Variants in GPR137C observed in about 807,000 individuals in gnomAD.
GPR137C encodes the protein G protein-coupled receptor 137C, also known as integral membrane protein GPR137C.
Under a neutral mutation model 43.4 loss-of-function variants are expected in GPR137C, and 27 were observed. That is an observed-to-expected ratio of 0.62 (90% CI 0.46 to 0.86). GPR137C has a LOEUF of 0.86. GPR137C is among the 40% of genes least tolerant of loss of function. The pLI is 0.00. For missense variants in GPR137C, 522 were observed against 534.6 expected (o/e 0.98, Z 0.23); for synonymous variants, 285 against 226.9 (o/e 1.26, Z -2.30).
Position 52,553,289 on chromosome 14 carries a change from G to A in GPR137C, c.142G>A (p.Ala48Thr). The A allele has an allele frequency of 2.0e-6, 3 of 1,520,832 alleles. No homozygotes were observed. Among genetic ancestry groups the A allele is most frequent in the South Asian group, 1.2e-5 (1 of 81,092 alleles). The allele number at this position is 1,520,832 out of a possible 1,614,324, so 94.2% of individuals were successfully genotyped here. The change falls in exon 1 of 7, where the codon GCG becomes ACG. Residue 48 changes from alanine (A) to threonine (T), a missense_variant. Ala to Thr is a moderately conservative substitution (Grantham distance 58). Transcript: ENST00000321662. Reference protein sequence around the residue: ...GAAVPGSVQLALSVLHALLYA... With the variant: ...GAAVPGSVQLTLSVLHALLYA... Reference sequence around the variant, plus strand: ...CGCGGTGCCGGGCTCCGTGCAGTTGGCGCTGAGCGTCCTGCACGCCCTGCT... The same window carrying A: ...CGCGGTGCCGGGCTCCGTGCAGTTGACGCTGAGCGTCCTGCACGCCCTGCT...
intron 1 of GPR137C, among the ~76,000 whole-genome samples, chr14:52,561,930 G>C (rs1054614863): frequency 5.9e-5 from 9 of 152,088 alleles, no homozygotes; most frequent in Non-Finnish European, 1.2e-4. Context: ...TCAAAACTCA[G>C]AATTGTACAC....
intron 3 of GPR137C, among the ~76,000 whole-genome samples, chr14:52,621,063 T>G (rs1455297441): frequency 6.6e-6 from 1 of 151,900 alleles, no homozygotes; most frequent in African/African-American, 2.4e-5. Flanking sequence ...TCTTTCAAGC[T>G]TAGCAAACCC....
intron 3 of GPR137C, among the ~76,000 whole-genome samples, chr14:52,627,018 T>A (rs1293941924): frequency 6.6e-6 from 1 of 152,156 alleles, no homozygotes. Flanking sequence ...AGATGCAGTA[T>A]CATTAAGATG....
intron 1 of GPR137C, among the ~76,000 whole-genome samples, chr14:52,580,690 G>T (rs1390704999): frequency 2.0e-5 from 3 of 151,250 alleles, no homozygotes; most frequent in Non-Finnish European, 4.4e-5. Context: ...AAGCATTAGG[G>T]TATTAAGACC....
At chr14:52,597,681 T>C (rs533105943) in intron 1 of GPR137C, among the ~76,000 whole-genome samples, 35 of 152,362 alleles carry the variant, frequency 2.3e-4, no homozygotes, top group Non-Finnish European at 4.7e-4. Flanking sequence ...GTTCGCAGAA[T>C]ATACCATGTT....
At chr14:52,577,516 G>GCCCACACACA (rs369713179) in intron 1 of GPR137C, among the ~76,000 whole-genome samples, 2 of 145,408 alleles carry the variant, frequency 1.4e-5, no homozygotes, top group African/African-American at 5.1e-5. Context: ...GCGCGCGCGC[G>GCCCACACACA]CACACACACA....
At chr14:52,624,565 A>C (rs1287794054) in intron 3 of GPR137C, among the ~76,000 whole-genome samples, 2 of 122,920 alleles carry the variant, frequency 1.6e-5, no homozygotes, top group Admixed American at 8.6e-5. Context: ...CTCTACAAAA[A>C]ATACAAAAAT....
At chr14:52,583,541 A>G (rs1038844627) in intron 1 of GPR137C, among the ~76,000 whole-genome samples, 1 of 152,112 alleles carries the variant, frequency 6.6e-6, no homozygotes, top group Non-Finnish European at 1.5e-5. Context: ...CTCACCCTGT[A>G]CCGATTCTTG....
intron 1 of GPR137C, among the ~76,000 whole-genome samples, chr14:52,577,698 C>G (rs781734038): frequency 2.7e-5 from 4 of 150,378 alleles, no homozygotes; most frequent in Non-Finnish European, 5.9e-5. Context: ...TGCAGTGGCT[C>G]AAGCATGTAA....
At position 52,635,091 on chromosome 14, in the gene GPR137C, C is replaced by A. The variant is rs2039338349; in HGVS notation, c.1266C>A (p.Ser422Arg). 2 of 1,582,032 alleles carry A rather than the reference C, an allele frequency of 1.3e-6. No homozygotes were observed. The highest frequency in any genetic ancestry group is 1.7e-6 in the Non-Finnish European group (2 of 1,168,232). The change falls in exon 7 of 7, where the codon AGC becomes AGA. Residue 422 changes from serine to arginine, a missense_variant. Transcript: ENST00000321662. ...ATTTAGATTTGAACAATCATCATAG[C>A]TTATATGTGACACCACAAAACTGAC... ...CSNLDLNNHH[S>R]LYVTPQN
At chr14:52,622,097 T>C (rs1201508647) in intron 3 of GPR137C, among the ~76,000 whole-genome samples, 1 of 151,994 alleles carries the variant, frequency 6.6e-6, no homozygotes. Flanking sequence ...GTATGTTGTT[T>C]AGGTTGAAGC....
At chr14:52,584,084 C>T (rs909370049) in intron 1 of GPR137C, among the ~76,000 whole-genome samples, 1 of 152,042 alleles carries the variant, frequency 6.6e-6, no homozygotes, top group Non-Finnish European at 1.5e-5. Context: ...GACTTTTTGC[C>T]GTGCCAAACC....
chr14:52,627,993 A>G (rs1410241784), intron 3 of GPR137C, among the ~76,000 whole-genome samples: 2 of 152,256 alleles, frequency 1.3e-5, no homozygotes, highest in Admixed American at 6.5e-5. Flanking sequence ...AGAACTGTTT[A>G]GGAACTTTTA....
Position 52,591,047 on chromosome 14 carries a change from G to T in GPR137C, c.445-7225G>T, listed in dbSNP as rs2038776773. ...CACCCTGTGTCCATGTGTTCTCATT[G>T]TTCAACTCCCACCTATACATGAGAA... is the stretch of plus-strand genomic sequence containing the variant. On this transcript the variant is annotated intron_variant, in intron 1 of 6. Coordinates refer to ENST00000321662, the MANE Select transcript of GPR137C (RefSeq NM_001099652.2). Among the ~76,000 whole-genome samples the T allele has an allele frequency of 2.5e-5, 3 of 122,176 alleles. No homozygotes were observed. The South Asian group carries it at 7.7e-4, about 32-fold the overall frequency. The allele number at this position is 122,176 out of a possible 152,430, so 80.2% of individuals were successfully genotyped here. A position where few individuals can be genotyped will look rare whatever the true frequency, so the allele number is the denominator to read the frequency against.
rs1030662421 is a variant in GPR137C, at chr14:52,552,946, CG to C, written c.-196del. On this transcript the variant is annotated 5_prime_UTR_variant, in exon 1 of 7. Transcript: ENST00000321662. The stretch of plus-strand genomic sequence containing the variant: ...CCGCAGCAGGAGGAGCCGAGACCCC[CG>C]GGGGGTGGGGGGAAAGAGGAGGCGG... Among the ~76,000 whole-genome samples, 6 of 135,622 alleles carry C rather than the reference CG, an allele frequency of 4.4e-5. No homozygotes were observed. The highest frequency in any genetic ancestry group is 2.4e-4 in the Admixed American group (3 of 12,528). 89.0% of individuals were successfully genotyped at this position (135,622 alleles called of 152,430 possible). A position where few individuals can be genotyped will look rare whatever the true frequency, so the allele number is the denominator to read the frequency against.
At chr14:52,564,933 CA>C (rs375972132) in intron 1 of GPR137C, among the ~76,000 whole-genome samples, 21 of 148,358 alleles carry the variant, frequency 1.4e-4, no homozygotes, top group East Asian at 5.9e-4. Flanking sequence ...CTCCTCCCTT[CA>C]AAAAAAAAAT....
intron 3 of GPR137C, among the ~76,000 whole-genome samples, chr14:52,608,768 G>A (rs772472059): frequency 1.2e-4 from 18 of 151,702 alleles, no homozygotes; most frequent in Non-Finnish European, 2.4e-4. Context: ...CTCCTGGCCC[G>A]TAATGTTTCT....
intron 1 of GPR137C, 46 bp downstream of exon 1, chr14:52,553,637 G>T: frequency 7.5e-7 from 1 of 1,332,604 alleles, no homozygotes. Flanking sequence ...GGTGCGCGGG[G>T]CCGCCGGGAT....
chr14:52,570,925 A>AT (rs1379585390), intron 1 of GPR137C, among the ~76,000 whole-genome samples: 2 of 152,228 alleles, frequency 1.3e-5, no homozygotes, highest in African/African-American at 4.8e-5. Context: ...TATTAGACAG[A>AT]TTAACGAAAC....
Sources: gnomAD v4.1 joint callset for allele counts (sites outside exome capture counted in the v4.1 genomes callset) on GRCh38, gnomAD v4.1.1 for gene constraint, MANE v1.5 for transcripts, NCBI Gene and HGNC (gene_info 2026-07-23, HGNC 2026-07-21) for gene names.